Variants in MAST4 observed in about 807,000 individuals in gnomAD.
The protein encoded by MAST4 is microtubule associated serine/threonine kinase family member 4.
A neutral mutation model predicts 162.7 loss-of-function variants in MAST4; 89 were observed. The observed-to-expected ratio is 0.55, with a 90% CI of 0.46 to 0.65. The LOEUF is 0.65. Ranked by LOEUF, MAST4 falls within the 30% of genes least tolerant of loss-of-function variation. MAST4 has a pLI of 0.00. For missense variants in MAST4, 3,153 were observed against 3,374.0 expected (o/e 0.93, Z 1.62); for synonymous variants, 1,479 against 1,361.1 (o/e 1.09, Z -1.91).
intron 3 of MAST4, among the ~76,000 whole-genome samples, chr5:66,836,922 C>T (rs1580589472): frequency 6.6e-6 from 1 of 151,906 alleles, no homozygotes; most frequent in East Asian, 1.9e-4. Flanking sequence ...CCACATGTAC[C>T]CCAGAACCTA....
chr5:67,078,703 TATA>T (rs1381372845), intron 5 of MAST4, among the ~76,000 whole-genome samples: 12 of 137,212 alleles, frequency 8.7e-5, no homozygotes, highest in Non-Finnish European at 1.4e-4. Context: ...TATATTTATA[TATA>T]ATATTTATTT....
Position 67,144,293 on chromosome 5 carries a change from T to C in MAST4, c.2731-376T>C, listed in dbSNP as rs527487969. Among the ~76,000 whole-genome samples the C allele has an allele frequency of 3.9e-5, 6 of 152,320 alleles. No homozygotes were observed. In the South Asian group the frequency reaches 1.2e-3, roughly 32 times the overall value. On this transcript the variant is annotated intron_variant, in intron 21 of 28. Transcript: ENST00000403625. ...GCCATTAAATCTGTTTCTCTGTTAT[T>C]TTCTTTTTCCAGTTGACTTCATGGT...
rs183015537 is a variant in MAST4 at position 66,818,108 on chromosome 5, G to C, written c.642+29314G>C. ...GTTTCCAGGTCCTGTATACATAAGA[G>C]TGCATGTACATTTTGGTTATAAATC... On this transcript the variant is annotated intron_variant, in intron 3 of 28. Coordinates refer to ENST00000403625, the MANE Select transcript of MAST4 (RefSeq NM_001164664.2). Among the ~76,000 whole-genome samples the C allele has an allele frequency of 5.9e-5, 9 of 152,252 alleles. No individual in the cohort carries two copies. In the East Asian group the frequency reaches 1.5e-3, roughly 26 times the overall value.
intron 1 of MAST4, among the ~76,000 whole-genome samples, chr5:66,657,298 T>C (rs1268157457): frequency 6.6e-6 from 1 of 152,220 alleles, no homozygotes. Context: ...AGCATTGTTT[T>C]AACAGAGGAC....
chr5:66,888,672 A>G (rs934549059), intron 3 of MAST4, among the ~76,000 whole-genome samples: 7 of 152,366 alleles, frequency 4.6e-5, no homozygotes, highest in African/African-American at 1.4e-4. Flanking sequence ...TGAAATGTAC[A>G]TTTATTAGCA....
intron 13 of MAST4, among the ~76,000 whole-genome samples, chr5:67,119,799 T>A (rs1412309925): frequency 2.0e-5 from 3 of 152,046 alleles, no homozygotes; most frequent in African/African-American, 7.2e-5. Flanking sequence ...TGGAAGTGAC[T>A]TAGGAGTCAT....
chr5:67,125,845 T>G (rs1231176315), intron 14 of MAST4, among the ~76,000 whole-genome samples: 1 of 152,194 alleles, frequency 6.6e-6, no homozygotes, highest in Non-Finnish European at 1.5e-5. Context: ...TTCACAATGG[T>G]TGAACTAATT....
chr5:66,764,610 T>G (rs1023117072), intron 2 of MAST4, among the ~76,000 whole-genome samples: 4 of 152,096 alleles, frequency 2.6e-5, no homozygotes, highest in Non-Finnish European at 4.4e-5. Context: ...TGTTTGTGTC[T>G]TAGTTTTTAA....
intron 4 of MAST4, among the ~76,000 whole-genome samples, chr5:66,966,448 T>G (rs1054022958): frequency 1.4e-4 from 21 of 152,228 alleles, no homozygotes; most frequent in Non-Finnish European, 2.6e-4. Flanking sequence ...TCAAATACAA[T>G]GGAATTGCAT....
At chr5:66,949,584 T>C (rs534408878) in intron 4 of MAST4, among the ~76,000 whole-genome samples, 261 of 152,304 alleles carry the variant, frequency 1.7e-3, no homozygotes, top group African/African-American at 5.9e-3. Flanking sequence ...AATTACCCAG[T>C]CTCAGGTATG....
chr5:67,051,261 G>C (rs1190139951), intron 4 of MAST4, among the ~76,000 whole-genome samples: 2 of 151,742 alleles, frequency 1.3e-5, no homozygotes, highest in African/African-American at 4.8e-5. Flanking sequence ...CCTGAGTGGA[G>C]ATGTTTCCAC....
chr5:66,920,640 G>A lies in MAST4; in HGVS notation c.674+20658G>A, dbSNP rs574608428. ...CGAGTAGCTGGGATTACAGGCATGC[G>A]CCACCATGCCTGACTAAGTTTTGTG... On this transcript the variant is annotated intron_variant, in intron 4 of 28. Coordinates refer to ENST00000403625, the MANE Select transcript of MAST4 (RefSeq NM_001164664.2). 7.9e-5 allele frequency among the ~76,000 whole-genome samples: 12 copies of A among 152,102 alleles called. No individual in the cohort carries two copies. In the South Asian group the frequency reaches 1.5e-3, roughly 18 times the overall value.
intron 4 of MAST4, among the ~76,000 whole-genome samples, chr5:66,928,765 T>C (rs1231257801): frequency 6.6e-6 from 1 of 152,192 alleles, no homozygotes; most frequent in Non-Finnish European, 1.5e-5. Context: ...GCCTTAATTC[T>C]TTTTCCATGT....
chr5:66,841,719 G>T (rs1258707715), intron 3 of MAST4, among the ~76,000 whole-genome samples: 2 of 152,080 alleles, frequency 1.3e-5, no homozygotes, highest in Non-Finnish European at 2.9e-5. Flanking sequence ...TCACTTTGTG[G>T]ATTAGGGCAT....
chr5:66,859,077 A>G (rs1349940054), intron 3 of MAST4, among the ~76,000 whole-genome samples: 5 of 152,168 alleles, frequency 3.3e-5, no homozygotes, highest in Non-Finnish European at 7.4e-5. Context: ...ATGTTTTAGT[A>G]GAGACATTCT....
At chr5:66,597,490 C>T (rs1742268654) in intron 1 of MAST4, among the ~76,000 whole-genome samples, 2 of 151,980 alleles carry the variant, frequency 1.3e-5, no homozygotes, top group Non-Finnish European at 2.9e-5. Context: ...GCGGAGTTGC[C>T]TGCGGAGGTT....
At chr5:66,635,946 GTTTTTTTTTTTTTTT>G (rs530576186) in intron 1 of MAST4, among the ~76,000 whole-genome samples, 16 of 41,302 alleles carry the variant, frequency 3.9e-4, no homozygotes, top group South Asian at 1.3e-3. Flanking sequence ...GATAGAGACT[GTTTTTTTTTTTTTTT>G]TTTTTTTTTT....
At chr5:67,095,758 C>A in intron 7 of MAST4, 83 bp downstream of exon 7, 1 of 1,022,730 alleles carries the variant, frequency 9.8e-7, no homozygotes, top group Non-Finnish European at 1.4e-6. Context: ...CTGGGTGTTT[C>A]CTGGTAGGGA....
chr5:66,858,820 C>T (rs7726468), intron 3 of MAST4, among the ~76,000 whole-genome samples: 6,737 of 152,032 alleles, frequency 0.044, 232 homozygotes, highest in South Asian at 0.13. Flanking sequence ...ATTCTGTATT[C>T]ATTTGTGCCT....
Sources: allele counts gnomAD v4.1 joint callset (sites outside exome capture counted in the v4.1 genomes callset), GRCh38; gene constraint gnomAD v4.1.1; transcripts MANE v1.5; gene names NCBI Gene and HGNC (gene_info 2026-07-23, HGNC 2026-07-21).